The following ZBTB20 variants were observed in gnomAD, a reference collection of about 807,000 sequenced individuals.
ZBTB20 encodes zinc finger and BTB domain containing 20.
In ZBTB20, 9 loss-of-function variants were observed where a neutral mutation model predicts 56.9. That is an observed-to-expected ratio of 0.16 (90% confidence interval 0.10 to 0.28). The LOEUF is 0.28. ZBTB20 is among the 10% of genes least tolerant of loss of function. The pLI is 1.00. For synonymous variants in ZBTB20, 417 were observed against 420.7 expected, an observed-to-expected ratio of 0.99 and a Z score of 0.11; for missense variants, 655 against 1,003.0, an observed-to-expected ratio of 0.65 and a Z score of 4.69.
intron 6 of ZBTB20, among the ~76,000 whole-genome samples, chr3:114,545,953 G>A (rs1220500467): frequency 2.0e-5 from 3 of 152,160 alleles, no homozygotes; most frequent in African/African-American, 7.2e-5. Flanking sequence ...GAGTCAGAAG[G>A]AGATTTCTTT....
intron 3 of ZBTB20, among the ~76,000 whole-genome samples, chr3:114,949,469 C>G (rs1299456902): frequency 2.7e-5 from 4 of 146,196 alleles, no homozygotes; most frequent in Non-Finnish European, 5.9e-5. Context: ...ACTTTTGTAA[C>G]CAAAAGACAA....
intron 1 of ZBTB20, among the ~76,000 whole-genome samples, chr3:115,125,786 T>A (rs1456702418): frequency 1.3e-5 from 2 of 152,222 alleles, no homozygotes; most frequent in African/African-American, 2.4e-5. Context: ...ATAATGTAAA[T>A]GTATTCTAAA....
At chr3:114,511,191 T>C (rs2045340779) in intron 6 of ZBTB20, among the ~76,000 whole-genome samples, 1 of 151,998 alleles carries the variant, frequency 6.6e-6, no homozygotes, top group Non-Finnish European at 1.5e-5. Flanking sequence ...AATTATCTTA[T>C]GCAGTAAATG....
At chr3:114,864,941 C>T (rs1294510531) in intron 4 of ZBTB20, among the ~76,000 whole-genome samples, 1 of 151,964 alleles carries the variant, frequency 6.6e-6, no homozygotes, top group Non-Finnish European at 1.5e-5. Context: ...TAATTTTAAC[C>T]TCAAATAAAA....
chr3:114,883,623 C>T (rs962916760), intron 4 of ZBTB20, among the ~76,000 whole-genome samples: 1 of 152,104 alleles, frequency 6.6e-6, no homozygotes, highest in Non-Finnish European at 1.5e-5. Flanking sequence ...TAATATCCAT[C>T]TTGTTTTTAA....
At chr3:114,978,010 CAA>C (rs764420792) in intron 2 of ZBTB20, among the ~76,000 whole-genome samples, 4 of 56,546 alleles carry the variant, frequency 7.1e-5, no homozygotes, top group Admixed American at 4.2e-4. Context: ...GACCCAGTCT[CAA>C]AAAAAAAAAA....
intron 4 of ZBTB20, among the ~76,000 whole-genome samples, chr3:114,806,429 T>TAAAA (rs1331510163): frequency 2.6e-5 from 4 of 152,108 alleles, no homozygotes; most frequent in Middle Eastern, 3.4e-3. Flanking sequence ...TTGCCCAGTT[T>TAAAA]TTAGCTGGGT....
chr3:114,564,053 G>C (rs775909149), intron 6 of ZBTB20, among the ~76,000 whole-genome samples: 1 of 151,938 alleles, frequency 6.6e-6, no homozygotes, highest in Non-Finnish European at 1.5e-5. Context: ...AGTTATTAGA[G>C]GCCACCTGTA....
chr3:114,733,570 A>G (rs567464965), intron 5 of ZBTB20, among the ~76,000 whole-genome samples: 1 of 152,250 alleles, frequency 6.6e-6, no homozygotes, highest in Admixed American at 6.5e-5. Flanking sequence ...TCCTGTCTAC[A>G]CTAGCATTTA....
chr3:114,576,140 A>G (rs1006857203), intron 6 of ZBTB20, among the ~76,000 whole-genome samples: 2 of 152,104 alleles, frequency 1.3e-5, no homozygotes, highest in Non-Finnish European at 2.9e-5. Context: ...CTACTATCCA[A>G]AATAAGTAAC....
chr3:114,378,843 G>A (rs111337713), intron 10 of ZBTB20: 3,564 of 152,374 alleles, frequency 0.023, 133 homozygotes, highest in African/African-American at 0.08. Flanking sequence ...GTGACTATTA[G>A]GACGGTCCTC....
chr3:114,624,724 T>G (rs1430701385), intron 6 of ZBTB20, among the ~76,000 whole-genome samples: 1 of 151,920 alleles, frequency 6.6e-6, no homozygotes, highest in Non-Finnish European at 1.5e-5. Context: ...GGGGGAAGGG[T>G]ACGACTGTGG....
At chr3:115,019,419 C>A (rs773257817) in intron 2 of ZBTB20, among the ~76,000 whole-genome samples, 25 of 151,116 alleles carry the variant, frequency 1.7e-4, no homozygotes, top group African/African-American at 5.8e-4. Context: ...ATGCAGGGCT[C>A]CCTGAAGAAT....
At chr3:114,900,503 G>GAAAA (rs760688974) in intron 3 of ZBTB20, 161 bp from the exon 4 acceptor site, 1 of 76,368 alleles carries the variant, frequency 1.3e-5, no homozygotes, top group Non-Finnish European at 2.7e-5. Context: ...TCATATATCT[G>GAAAA]AAAATATATA....
intron 2 of ZBTB20, among the ~76,000 whole-genome samples, chr3:115,053,832 G>A (rs1181494540): frequency 6.6e-6 from 1 of 151,994 alleles, no homozygotes; most frequent in African/African-American, 2.4e-5. Context: ...AAATAAAGAG[G>A]AAAAAGGATG....
intron 3 of ZBTB20, among the ~76,000 whole-genome samples, chr3:114,973,779 C>T (rs1576463216): frequency 6.6e-6 from 1 of 152,142 alleles, no homozygotes; most frequent in African/African-American, 2.4e-5. Context: ...ATTACAGCCC[C>T]CTCTTGTCTA....
intron 4 of ZBTB20, among the ~76,000 whole-genome samples, chr3:114,818,435 T>C (rs902274160): frequency 3.3e-5 from 5 of 152,022 alleles, no homozygotes; most frequent in Non-Finnish European, 4.4e-5. Context: ...AATTATCCTA[T>C]AATGTTTTAA....
At chr3:115,000,957 A>G (rs774466952) in intron 2 of ZBTB20, among the ~76,000 whole-genome samples, 4 of 151,488 alleles carry the variant, frequency 2.6e-5, no homozygotes, top group Non-Finnish European at 5.9e-5. Context: ...ACTAGCAGGG[A>G]CATGCTTATG....
intron 3 of ZBTB20, among the ~76,000 whole-genome samples, chr3:114,925,510 T>C (rs1337694503): frequency 6.6e-6 from 1 of 152,006 alleles, no homozygotes; most frequent in Non-Finnish European, 1.5e-5. Flanking sequence ...GGGGTTTTTA[T>C]TTGTTTGGTT....
Sources: gnomAD v4.1 joint callset for allele counts (sites outside exome capture counted in the v4.1 genomes callset) on GRCh38, gnomAD v4.1.1 for gene constraint, MANE v1.5 for transcripts, NCBI Gene and HGNC (gene_info 2026-07-23, HGNC 2026-07-21) for gene names.